Variants in ENOX1 observed in about 807,000 individuals in gnomAD.
ENOX1 encodes the protein ecto-NOX disulfide-thiol exchanger 1, also known as candidate growth-related and time keeping constitutive hydroquinone (NADH) oxidase.
In ENOX1, 42 loss-of-function variants were observed where a neutral mutation model predicts 82.5. The observed-to-expected ratio is 0.51, with a 90% confidence interval of 0.40 to 0.66. ENOX1 has a LOEUF of 0.66. Among genes scored for constraint, ENOX1 ranks in the 30% least tolerant of loss-of-function variants. The pLI, the probability that ENOX1 is intolerant of heterozygous loss-of-function variation, is 0.00. For synonymous variants in ENOX1, 271 were observed against 282.2 expected, an observed-to-expected ratio of 0.96 and a Z score of 0.40; for missense variants, 608 against 811.6, an observed-to-expected ratio of 0.75 and a Z score of 3.05.
intron 2 of ENOX1, among the ~76,000 whole-genome samples, chr13:43,518,702 T>C (rs2077650758): frequency 6.6e-6 from 1 of 152,146 alleles, no homozygotes; most frequent in Admixed American, 6.6e-5. Context: ...TTCTAAGTCT[T>C]CTTTGTTGAT....
chr13:43,750,959 T>A (rs1237030359), intron 1 of ENOX1, among the ~76,000 whole-genome samples: 1 of 152,208 alleles, frequency 6.6e-6, no homozygotes, highest in East Asian at 1.9e-4. Context: ...CTCCTCAGAT[T>A]AGACACCTTC....
chr13:43,470,397 T>C lies in ENOX1; in HGVS notation c.-75+13612A>G, dbSNP rs1414463744. Among the ~76,000 whole-genome samples the C allele has an allele frequency of 1.8e-5, 2 of 108,240 alleles. 1 individual carries two copies. Among genetic ancestry groups the C allele is most frequent in the African/African-American group, 6.5e-5 (2 of 30,810 alleles). 71.0% of individuals were successfully genotyped at this position (108,240 alleles called of 152,430 possible). A position where few individuals can be genotyped will look rare whatever the true frequency, so the allele number is the denominator to read the frequency against. ...ATATACATATATATACGTATATATA[T>C]GTGTATATATATATATATATAACAG... On this transcript the variant is annotated intron_variant, in intron 3 of 16. Transcript: ENST00000690772.
rs370036237 is a variant in ENOX1, at chr13:43,417,193, A to AGGGAGACGGGAGAC, written c.-74-4219_-74-4206dup. Among the ~76,000 whole-genome samples, 284 of 132,790 alleles carry AGGGAGACGGGAGAC rather than the reference A, an allele frequency of 2.1e-3. 5 individuals are homozygous for AGGGAGACGGGAGAC. The highest frequency in any genetic ancestry group is 6.8e-3 in the African/African-American group (246 of 36,086). The allele number at this position is 132,790 out of a possible 152,430, so 87.1% of individuals were successfully genotyped here. A position where few individuals can be genotyped will look rare whatever the true frequency, so the allele number is the denominator to read the frequency against. ...CAGTACAGTCCAGCCTCAGCAACAGAGGGAGACGGGAGACGGGAGACGGGA... is the reference window on the plus strand; with the variant it reads ...CAGTACAGTCCAGCCTCAGCAACAGAGGGAGACGGGAGACGGGAGACGGGAGACGGGAGACGGGA... On this transcript the variant is annotated intron_variant, in intron 3 of 16. Coordinates refer to ENST00000690772, the MANE Select transcript of ENOX1 (RefSeq NM_001347969.2).
intron 1 of ENOX1, among the ~76,000 whole-genome samples, chr13:43,781,616 C>T (rs754006704): frequency 2.6e-4 from 40 of 152,144 alleles, no homozygotes; most frequent in Non-Finnish European, 3.4e-4. Flanking sequence ...CGGGTTCAAG[C>T]GATTCTCCTG....
chr13:43,498,075 C>T (rs772609189), intron 2 of ENOX1, among the ~76,000 whole-genome samples: 2 of 151,940 alleles, frequency 1.3e-5, no homozygotes, highest in Non-Finnish European at 2.9e-5. Context: ...TTCACTGGAC[C>T]TCCTTTCTTG....
chr13:43,644,252 T>C (rs2153770666), intron 2 of ENOX1, among the ~76,000 whole-genome samples: 1 of 152,340 alleles, frequency 6.6e-6, no homozygotes, highest in Admixed American at 6.5e-5. Flanking sequence ...TGTGAGTGGC[T>C]GGTAAATAAT....
Position 43,520,874 on chromosome 13 carries a change from T to C in ENOX1, c.-218-36722A>G, listed in dbSNP as rs1246788772. Among the ~76,000 whole-genome samples the C allele has an allele frequency of 2.0e-5, 3 of 152,138 alleles. No individual in the cohort carries two copies. The East Asian group carries it at 5.8e-4, about 29-fold the overall frequency. On this transcript the variant is annotated intron_variant, in intron 2 of 16. Coordinates refer to ENST00000690772, the MANE Select transcript of ENOX1 (RefSeq NM_001347969.2). ...CGAAACAGGCTCTATTTAAGATCAG[T>C]GGTGGTCACCCACCATATCCAAACA...
At chr13:43,567,844 A>G (rs2079986394) in intron 2 of ENOX1, among the ~76,000 whole-genome samples, 3 of 152,206 alleles carry the variant, frequency 2.0e-5, no homozygotes, top group Admixed American at 2.0e-4. Flanking sequence ...CCAGAGCTTG[A>G]TATTTGTTGA....
chr13:43,721,376 C>CTTT (rs761888585), intron 1 of ENOX1, among the ~76,000 whole-genome samples: 8,621 of 107,522 alleles, frequency 0.08, 1,107 homozygotes, highest in East Asian at 0.2. Context: ...TATTTTATAT[C>CTTT]TTTTTTTTTT....
At chr13:43,445,122 T>TA (rs1555277757) in intron 3 of ENOX1, among the ~76,000 whole-genome samples, 1 of 128,520 alleles carries the variant, frequency 7.8e-6, no homozygotes, top group Non-Finnish European at 1.8e-5. Context: ...TCCTTCTTTC[T>TA]GGGTTTTTTT....
At position 43,446,142 on chromosome 13, in the gene ENOX1, C is replaced by A. The variant is rs77830057; in HGVS notation, c.-74-33154G>T. Among the ~76,000 whole-genome samples, 1,468 of 151,738 alleles carry A rather than the reference C, an allele frequency of 9.7e-3. 19 individuals carry two copies. Among genetic ancestry groups the A allele is most frequent in the African/African-American group, 0.034 (1,394 of 41,430 alleles). On this transcript the variant is annotated intron_variant, in intron 3 of 16. Transcript: ENST00000690772. ...ATCTTTGAAACAAATGATCATCTTC[C>A]TTCTTGTGGGTTTGTCCTGTGCCTT...
intron 1 of ENOX1, among the ~76,000 whole-genome samples, chr13:43,772,419 T>C (rs1026568389): frequency 6.6e-6 from 1 of 152,150 alleles, no homozygotes; most frequent in Non-Finnish European, 1.5e-5. Flanking sequence ...ATTCTGTGTC[T>C]GATTGTAATT....
At chr13:43,445,254 G>A (rs1013723642) in intron 3 of ENOX1, among the ~76,000 whole-genome samples, 3 of 151,446 alleles carry the variant, frequency 2.0e-5, no homozygotes, top group Non-Finnish European at 4.4e-5. Flanking sequence ...CTCCCAAGTA[G>A]CTGGGACTAC....
At chr13:43,274,820 C>A (rs1243092452) in intron 12 of ENOX1, among the ~76,000 whole-genome samples, 1 of 152,200 alleles carries the variant, frequency 6.6e-6, no homozygotes, top group East Asian at 1.9e-4. Context: ...TTCCAGGCCA[C>A]TGATTTAATG....
At chr13:43,243,400 T>C (rs192938294) in intron 14 of ENOX1, among the ~76,000 whole-genome samples, 23 of 152,326 alleles carry the variant, frequency 1.5e-4, no homozygotes, top group African/African-American at 4.6e-4. Flanking sequence ...GTCTGTGAGA[T>C]GTCTCTCCTG....
At chr13:43,331,383 G>T (rs998994052) in intron 9 of ENOX1, among the ~76,000 whole-genome samples, 7 of 152,138 alleles carry the variant, frequency 4.6e-5, no homozygotes, top group Non-Finnish European at 8.8e-5. Context: ...GTCCTTAAAG[G>T]CAGTAGGCTT....
At position 43,416,075 on chromosome 13, in the gene ENOX1, C is replaced by T. The variant is rs184669647; in HGVS notation, c.-74-3087G>A. Among the ~76,000 whole-genome samples, 13 of 149,932 alleles carry T rather than the reference C, an allele frequency of 8.7e-5. No homozygotes were observed. The East Asian group carries it at 2.6e-3, about 30-fold the overall frequency. ...GATGGGTGGCCGGGCAGAGGCGCTCCCCATCTCCCAGACGGGGCGGATGGG... is the reference window on the plus strand; with the variant it reads ...GATGGGTGGCCGGGCAGAGGCGCTCTCCATCTCCCAGACGGGGCGGATGGG... On this transcript the variant is annotated intron_variant, in intron 3 of 16. Coordinates refer to ENST00000690772, the MANE Select transcript of ENOX1 (RefSeq NM_001347969.2).
At chr13:43,671,319 T>C (rs1291589833) in intron 1 of ENOX1, among the ~76,000 whole-genome samples, 1 of 152,156 alleles carries the variant, frequency 6.6e-6, no homozygotes, top group East Asian at 1.9e-4. Context: ...CATCATCTAA[T>C]CATAAGGTCA....
chr13:43,704,222 G>T (rs2087096544), intron 1 of ENOX1, among the ~76,000 whole-genome samples: 1 of 151,910 alleles, frequency 6.6e-6, no homozygotes, highest in Admixed American at 6.6e-5. Flanking sequence ...ATAATAAACA[G>T]AAAATATATA....
Sources: gnomAD v4.1 joint callset for allele counts (sites outside exome capture counted in the v4.1 genomes callset) on GRCh38, gnomAD v4.1.1 for gene constraint, MANE v1.5 for transcripts, NCBI Gene and HGNC (gene_info 2026-07-23, HGNC 2026-07-21) for gene names.